Variants in SOX6 observed in about 807,000 individuals in gnomAD.
SOX6 encodes transcription factor SOX-6.
SOX6 carries 11 observed loss-of-function variants against 97.8 expected under a neutral mutation model. The ratio of observed to expected loss-of-function variants is 0.11; its 90% CI spans 0.07 to 0.19. The LOEUF (loss-of-function observed/expected upper bound fraction) is 0.19, where lower values mean the gene tolerates loss of function less well. Ranked by LOEUF, SOX6 falls within the 10% of genes least tolerant of loss-of-function variation. SOX6 has a pLI of 1.00. For synonymous variants in SOX6, 360 were observed against 371.4 expected, an observed-to-expected ratio of 0.97 and a Z score of 0.35; for missense variants, 810 against 1,039.5, an observed-to-expected ratio of 0.78 and a Z score of 3.04.
At chr11:16,015,717 C>T (rs1854863939) in intron 12 of SOX6, among the ~76,000 whole-genome samples, 1 of 151,978 alleles carries the variant, frequency 6.6e-6, no homozygotes, top group Non-Finnish European at 1.5e-5. Flanking sequence ...GAGTAGGAGT[C>T]TGAAGCACCA....
rs117127594 is a variant in SOX6 at position 16,091,467 on chromosome 11, A to G, written c.1101+4529T>C. On this transcript the variant is annotated intron_variant, in intron 9 of 15. Coordinates refer to ENST00000683767, the MANE Select transcript of SOX6 (RefSeq NM_001367873.1). ...CAAATAAGAAGACAGGGTACAACAG[A>G]CAGTGCAGAGCCTCTAAATACAACA... 6.6e-5 allele frequency among the ~76,000 whole-genome samples: 10 copies of G among 152,150 alleles called. No individual in the cohort carries two copies. In the East Asian group the frequency reaches 1.9e-3, roughly 29 times the overall value.
chr11:16,121,407 C>T (rs1849486143), intron 6 of SOX6, among the ~76,000 whole-genome samples: 1 of 151,986 alleles, frequency 6.6e-6, no homozygotes, highest in Admixed American at 6.6e-5. Context: ...TAATTCAACT[C>T]TTCAACAGCC....
chr11:16,726,374 G>A (rs375181719), intron 2 of SOX6, among the ~76,000 whole-genome samples: 5 of 152,154 alleles, frequency 3.3e-5, no homozygotes, highest in South Asian at 2.1e-4. Context: ...CTGAGATCAC[G>A]CCACTTCACT....
At chr11:16,156,564 C>T (rs1201549274) in intron 6 of SOX6, among the ~76,000 whole-genome samples, 1 of 151,876 alleles carries the variant, frequency 6.6e-6, no homozygotes, top group African/African-American at 2.4e-5. Flanking sequence ...AACCCTTCTT[C>T]TCACCCAGTC....
chr11:16,660,533 T>C (rs1564862123), intron 3 of SOX6, among the ~76,000 whole-genome samples: 1 of 152,212 alleles, frequency 6.6e-6, no homozygotes, highest in Non-Finnish European at 1.5e-5. Context: ...GAATGCTCTA[T>C]GTGAGCTTGA....
chr11:16,273,020 A>G (rs1854301535), intron 3 of SOX6, among the ~76,000 whole-genome samples: 1 of 151,970 alleles, frequency 6.6e-6, no homozygotes, highest in Non-Finnish European at 1.5e-5. Flanking sequence ...ATTGAATTAT[A>G]CTTTTCCAAC....
intron 4 of SOX6, among the ~76,000 whole-genome samples, chr11:16,570,407 C>T (rs1786941044): frequency 6.7e-6 from 1 of 149,918 alleles, no homozygotes; most frequent in Admixed American, 6.6e-5. Context: ...AAAAAAAAAA[C>T]TTGTATTTAA....
intron 3 of SOX6, among the ~76,000 whole-genome samples, chr11:16,664,916 C>G (rs779939550): frequency 1.3e-5 from 2 of 151,938 alleles, no homozygotes; most frequent in Non-Finnish European, 2.9e-5. Flanking sequence ...CAGGCCCTAG[C>G]TCTTGGATGA....
chr11:16,483,493 G>A (rs192263583), intron 4 of SOX6, among the ~76,000 whole-genome samples: 71 of 152,138 alleles, frequency 4.7e-4, no homozygotes, highest in African/African-American at 1.7e-3. Context: ...GTCAGAAAAG[G>A]GTATTCAGGT....
chr11:16,640,447 C>A (rs960058570), intron 3 of SOX6, among the ~76,000 whole-genome samples: 4 of 152,172 alleles, frequency 2.6e-5, no homozygotes, highest in African/African-American at 9.7e-5. Context: ...GGAGGATTCC[C>A]TCTTTTTCTA....
intron 1 of SOX6, among the ~76,000 whole-genome samples, chr11:16,371,848 C>T (rs1857501490): frequency 6.6e-6 from 1 of 152,064 alleles, no homozygotes; most frequent in African/African-American, 2.4e-5. Context: ...TATCGGCACT[C>T]AAAACATTTT....
chr11:16,738,428 C>T (rs1848412078), exon 1 of SOX6: 1 of 383,230 alleles, frequency 2.6e-6, no homozygotes, highest in Admixed American at 3.7e-5. Flanking sequence ...CGCTCACCGC[C>T]ATACACATCC....
At chr11:16,517,570 G>C (rs4365016) in intron 4 of SOX6, among the ~76,000 whole-genome samples, 16,019 of 152,140 alleles carry the variant, frequency 0.11, 911 homozygotes, top group Non-Finnish European at 0.14. Flanking sequence ...AGCTTAGGAA[G>C]AGCCAGACAT....
intron 4 of SOX6, among the ~76,000 whole-genome samples, chr11:16,539,234 TAAC>T: frequency 6.6e-6 from 1 of 150,698 alleles, no homozygotes. Context: ...ACTGGGTAAA[TAAC>T]GAAGGCAGAA....
chr11:16,354,531 C>A (rs1002110155), intron 1 of SOX6, among the ~76,000 whole-genome samples: 2 of 152,056 alleles, frequency 1.3e-5, no homozygotes, highest in East Asian at 3.9e-4. Flanking sequence ...AGGAGGGAAT[C>A]ACTTTTTACA....
intron 4 of SOX6, among the ~76,000 whole-genome samples, chr11:16,206,011 T>A (rs1382941892): frequency 1.3e-5 from 2 of 152,154 alleles, no homozygotes; most frequent in South Asian, 4.1e-4. Flanking sequence ...ATTTTTACTA[T>A]GCCTGTAAAG....
intron 9 of SOX6, among the ~76,000 whole-genome samples, chr11:16,063,235 G>A (rs1048806884): frequency 1.3e-5 from 2 of 151,120 alleles, no homozygotes; most frequent in African/African-American, 2.4e-5. Context: ...GGATGTTAGT[G>A]ACACTTTAAT....
At chr11:16,445,737 T>C (rs1390338921) in intron 1 of SOX6, among the ~76,000 whole-genome samples, 1 of 152,104 alleles carries the variant, frequency 6.6e-6, no homozygotes, top group African/African-American at 2.4e-5. Context: ...TACTTGCCTG[T>C]TTTCAATTCT....
chr11:16,369,784 A>G (rs951753181), intron 1 of SOX6, among the ~76,000 whole-genome samples: 3 of 152,142 alleles, frequency 2.0e-5, no homozygotes, highest in African/African-American at 7.2e-5. Context: ...CTGCCTTGTG[A>G]TGCTGGGGCA....
Sources: gnomAD v4.1 joint callset for allele counts (sites outside exome capture counted in the v4.1 genomes callset) on GRCh38, gnomAD v4.1.1 for gene constraint, MANE v1.5 for transcripts, NCBI Gene and HGNC (gene_info 2026-07-23, HGNC 2026-07-21) for gene names.